Variants in AGBL4 observed in about 807,000 individuals in gnomAD.
AGBL4 encodes the protein cytosolic carboxypeptidase 6.
A neutral mutation model predicts 66.4 loss-of-function variants in AGBL4; 58 were observed. The observed-to-expected ratio is 0.87, with a 90% confidence interval of 0.71 to 1.09. The LOEUF is 1.09. Ranked by LOEUF, AGBL4 falls within the 50% of genes least tolerant of loss-of-function variation. The pLI, the probability that AGBL4 is intolerant of heterozygous loss-of-function variation, is 0.00. For synonymous variants in AGBL4, 234 were observed against 222.9 expected (o/e 1.05, Z -0.44); for missense variants, 579 against 631.0 (o/e 0.92, Z 0.88).
At chr1:49,577,143 A>G (rs960230276) in intron 3 of AGBL4, among the ~76,000 whole-genome samples, 4 of 152,248 alleles carry the variant, frequency 2.6e-5, no homozygotes, top group Admixed American at 6.5e-5. Context: ...ACATTTCTAC[A>G]TGGTCAAAAA....
chr1:49,428,353 T>C (rs1370220512), intron 3 of AGBL4, among the ~76,000 whole-genome samples: 3 of 152,222 alleles, frequency 2.0e-5, no homozygotes, highest in African/African-American at 7.2e-5. Flanking sequence ...CAAAACTAGA[T>C]ATTCCAAAAA....
chr1:48,888,967 C>T (rs1650645274), intron 5 of AGBL4, among the ~76,000 whole-genome samples: 1 of 152,196 alleles, frequency 6.6e-6, no homozygotes, highest in African/African-American at 2.4e-5. Context: ...GGGCAACACT[C>T]CCAATGCAGG....
At chr1:49,196,736 G>A (rs559029687) in intron 4 of AGBL4, among the ~76,000 whole-genome samples, 136 of 151,730 alleles carry the variant, frequency 9.0e-4, no homozygotes, top group Non-Finnish European at 1.5e-3. Context: ...ACTTTTGGTG[G>A]GGTGAGACTT....
At chr1:49,916,841 C>T (rs1241024378) in intron 1 of AGBL4, among the ~76,000 whole-genome samples, 1 of 152,146 alleles carries the variant, frequency 6.6e-6, no homozygotes, top group African/African-American at 2.4e-5. Context: ...AGAGAAAGGT[C>T]AGGTTACCCA....
chr1:49,235,062 G>T (rs1650612187), intron 4 of AGBL4, among the ~76,000 whole-genome samples: 1 of 152,164 alleles, frequency 6.6e-6, no homozygotes, highest in Non-Finnish European at 1.5e-5. Context: ...ACATTAGAAA[G>T]CCTGGGTTCA....
At chr1:48,593,876 GC>G (rs1644955561) in intron 9 of AGBL4, among the ~76,000 whole-genome samples, 1 of 152,158 alleles carries the variant, frequency 6.6e-6, no homozygotes, top group Non-Finnish European at 1.5e-5. Flanking sequence ...AACACCCCTA[GC>G]CTATTACCTT....
At chr1:48,951,226 G>A (rs1656960003) in intron 5 of AGBL4, among the ~76,000 whole-genome samples, 1 of 152,126 alleles carries the variant, frequency 6.6e-6, no homozygotes, top group Admixed American at 6.5e-5. Context: ...AGCATCAGAA[G>A]GTAGGACTAC....
chr1:49,581,069 G>A (rs4926538), intron 3 of AGBL4, among the ~76,000 whole-genome samples: 19,026 of 151,748 alleles, frequency 0.13, 1,722 homozygotes, highest in African/African-American at 0.25. Context: ...TTTGCCTGAC[G>A]GAATTATCTC....
chr1:50,001,212 C>A (rs1463014927), intron 1 of AGBL4, among the ~76,000 whole-genome samples: 1 of 149,648 alleles, frequency 6.7e-6, no homozygotes, highest in Non-Finnish European at 1.5e-5. Flanking sequence ...TAAAATATTT[C>A]AATATATCTC....
chr1:48,569,360 T>C (rs531322773), intron 11 of AGBL4, among the ~76,000 whole-genome samples: 1 of 152,188 alleles, frequency 6.6e-6, no homozygotes, highest in South Asian at 2.1e-4. Flanking sequence ...TTGGTAAATA[T>C]CTGTTTTGTG....
chr1:48,799,878 T>C (rs1645770290), intron 6 of AGBL4, among the ~76,000 whole-genome samples: 1 of 152,198 alleles, frequency 6.6e-6, no homozygotes, highest in African/African-American at 2.4e-5. Flanking sequence ...GTCTTTTTGA[T>C]ATGCTGTTGG....
At chr1:49,088,070 A>T (rs1210983556) in intron 4 of AGBL4, among the ~76,000 whole-genome samples, 1 of 152,222 alleles carries the variant, frequency 6.6e-6, no homozygotes, top group African/African-American at 2.4e-5. Context: ...GCCTTACAAG[A>T]GGTCCTTAAG....
intron 4 of AGBL4, among the ~76,000 whole-genome samples, chr1:49,095,243 C>A (rs1176317883): frequency 6.6e-6 from 1 of 152,018 alleles, no homozygotes. Context: ...CAATATTATG[C>A]AAATGACCAT....
intron 4 of AGBL4, among the ~76,000 whole-genome samples, chr1:49,151,084 C>T (rs751349853): frequency 6.3e-4 from 95 of 151,822 alleles, no homozygotes; most frequent in Non-Finnish European, 6.8e-4. Flanking sequence ...CTGGCTAACA[C>T]GGTGAAACCT....
chr1:49,870,747 C>T (rs917246810), intron 1 of AGBL4, among the ~76,000 whole-genome samples: 1 of 151,824 alleles, frequency 6.6e-6, no homozygotes, highest in African/African-American at 2.4e-5. Context: ...TTCAACCACA[C>T]TAGTCATTAG....
intron 5 of AGBL4, among the ~76,000 whole-genome samples, chr1:48,975,929 GT>G (rs1167009814): frequency 1.3e-5 from 2 of 152,108 alleles, no homozygotes; most frequent in African/African-American, 4.8e-5. Flanking sequence ...AAAGATAATA[GT>G]AATGGGGAAT....
At chr1:48,528,029 G>T (rs190970434), downstream of AGBL4, among the ~76,000 whole-genome samples, 3 of 152,280 alleles carry the variant, frequency 2.0e-5, no homozygotes, top group East Asian at 5.8e-4. Flanking sequence ...GAGTGGCTAG[G>T]AGGGAAAGCA....
intron 3 of AGBL4, among the ~76,000 whole-genome samples, chr1:49,659,038 C>G (rs1646214736): frequency 6.6e-6 from 1 of 151,756 alleles, no homozygotes; most frequent in South Asian, 2.1e-4. Context: ...AAATTTTCAA[C>G]CTAAAATTGT....
chr1:48,701,655 A>T (rs1324045951), intron 6 of AGBL4, among the ~76,000 whole-genome samples: 3 of 152,158 alleles, frequency 2.0e-5, no homozygotes, highest in Non-Finnish European at 4.4e-5. Context: ...ATGCTTTAAA[A>T]TTGTTAATGT....
Sources: gnomAD v4.1 joint callset for allele counts (sites outside exome capture counted in the v4.1 genomes callset) on GRCh38, gnomAD v4.1.1 for gene constraint, MANE v1.5 for transcripts, NCBI Gene and HGNC (gene_info 2026-07-23, HGNC 2026-07-21) for gene names.